DHODH: variants seen among roughly 807,000 people sequenced by gnomAD.
DHODH encodes the protein dihydroorotate dehydrogenase (quinone), mitochondrial.
DHODH carries 30 observed loss-of-function variants against 39.7 expected under a neutral mutation model. The observed-to-expected ratio is 0.76, with a 90% CI of 0.57 to 1.02. The LOEUF is 1.02. Ranked by LOEUF, DHODH falls within the 50% of genes least tolerant of loss-of-function variation. The pLI is 0.00. For missense variants in DHODH, 531 were observed against 520.8 expected (o/e 1.02, Z -0.19); for synonymous variants, 222 against 213.8 (o/e 1.04, Z -0.34).
chr16:72,017,770 C>CTTTCTTTTTTTT (rs2041158126), intron 4 of DHODH, among the ~76,000 whole-genome samples: 1 of 103,800 alleles, frequency 9.6e-6, no homozygotes, highest in African/African-American at 4.4e-5. Context: ...AAACAACATG[C>CTTTCTTTTTTTT]TTTTTTTTTT....
intron 4 of DHODH, chr16:72,020,372 T>TATGTGTATATATATATATATATATA (rs746414347): frequency 1.4e-5 from 1 of 70,890 alleles, no homozygotes; most frequent in African/African-American, 6.6e-5. Context: ...TATATATATA[T>TATGTGTATATATATATATATATATA]TTTTTTTTTT....
chr16:72,017,282 A>G (rs192686562), intron 4 of DHODH, among the ~76,000 whole-genome samples, 176 bp downstream of exon 4: 1 of 152,348 alleles, frequency 6.6e-6, no homozygotes, highest in Admixed American at 6.5e-5. Flanking sequence ...CCAAGAGTTT[A>G]ACTGGATTTT....
intron 1 of DHODH, 27 bp downstream of exon 1, chr16:72,008,812 A>C: frequency 1.4e-5 from 21 of 1,552,476 alleles, no homozygotes; most frequent in Non-Finnish European, 1.8e-5. Context: ...AGCAGTGTGG[A>C]TGGGGGACCA....
intron 2 of DHODH, among the ~76,000 whole-genome samples, chr16:72,012,716 C>T (rs1354028604): frequency 6.6e-6 from 1 of 152,240 alleles, no homozygotes; most frequent in Non-Finnish European, 1.5e-5. Context: ...CTGCCAGAGT[C>T]ATTAAGCACT....
chr16:72,024,184 A>G lies in DHODH; in HGVS notation c.1173A>G (p.Ala391=). ...GFGGVTDAIG[A]DHRR is the part of the protein sequence containing the mutation. ...GCGGAGTCACAGATGCCATTGGAGC[A>G]GATCATCGGAGGTGAGGACAGCGTC... The change falls in exon 9 of 9, where the codon GCA becomes GCG. Residue 391 remains alanine (A), a synonymous_variant. Coordinates refer to ENST00000219240, the MANE Select transcript of DHODH (RefSeq NM_001361.5). The G allele has an allele frequency of 2.5e-6, 4 of 1,614,224 alleles. No homozygotes were observed. Among genetic ancestry groups the G allele is most frequent in the Non-Finnish European group, 3.4e-6 (4 of 1,180,038 alleles).
intron 5 of DHODH, among the ~76,000 whole-genome samples, chr16:72,021,617 C>T (rs1169743537): frequency 1.3e-5 from 2 of 152,198 alleles, no homozygotes; most frequent in Non-Finnish European, 1.5e-5. Flanking sequence ...AACTGAAGGA[C>T]TTCATCACCC....
At position 72,024,182 on chromosome 16, in the gene DHODH, G is replaced by A; in HGVS notation, c.1171G>A (p.Ala391Thr). ...TGGCGGAGTCACAGATGCCATTGGA[G>A]CAGATCATCGGAGGTGAGGACAGCG... is the stretch of plus-strand genomic sequence containing the variant. ...GFGGVTDAIG[A>T]DHRR The change falls in exon 9 of 9, where the codon GCA becomes ACA. Residue 391 changes from alanine (A) to threonine (T), a missense_variant. Ala to Thr is a moderately conservative substitution (Grantham distance 58). Transcript: ENST00000219240. 6.2e-7 allele frequency: 1 copy of A among 1,614,224 alleles called. No homozygotes were observed. Among genetic ancestry groups the A allele is most frequent in the Non-Finnish European group, 8.5e-7 (1 of 1,180,042 alleles).
chr16:72,020,112 C>G (rs1567572577), intron 4 of DHODH, among the ~76,000 whole-genome samples: 1 of 151,804 alleles, frequency 6.6e-6, no homozygotes, highest in African/African-American at 2.4e-5. Flanking sequence ...CCCATCTCTA[C>G]TAAAAATACA....
intron 4 of DHODH, chr16:72,020,559 C>T (rs1473405023): frequency 1.3e-5 from 2 of 154,412 alleles, no homozygotes; most frequent in African/African-American, 4.8e-5. Flanking sequence ...ACCATGTTGC[C>T]CAGACTGGTC....
At chr16:72,011,947 A>T (rs1274501737) in intron 1 of DHODH, 103 bp from the exon 2 acceptor site, 2 of 897,228 alleles carry the variant, frequency 2.2e-6, no homozygotes, top group African/African-American at 3.3e-5. Flanking sequence ...CGTCTGTTTC[A>T]TGTGACCTGC....
chr16:72,017,721 G>A (rs2041157123), intron 4 of DHODH, among the ~76,000 whole-genome samples: 1 of 150,972 alleles, frequency 6.6e-6, no homozygotes, highest in South Asian at 2.1e-4. Context: ...AGACCAGCCT[G>A]GGCAACATGG....
intron 3 of DHODH, 64 bp downstream of exon 3, chr16:72,014,736 T>C (rs959032130): frequency 2.7e-6 from 4 of 1,491,268 alleles, no homozygotes; most frequent in Non-Finnish European, 2.8e-6. Context: ...TTCAGAGATA[T>C]AAGATCTGCC....
chr16:72,018,914 C>G (rs1322575653), intron 4 of DHODH, among the ~76,000 whole-genome samples: 1 of 152,194 alleles, frequency 6.6e-6, no homozygotes, highest in East Asian at 1.9e-4. Flanking sequence ...TTGATGGGTG[C>G]TAGACTGGGA....
rs1374374694 is a variant in DHODH, at chr16:72,014,508, A to G, written c.270A>G (p.Pro90=). The change falls in exon 3 of 9, where the codon CCA becomes CCG. Residue 90 remains proline (P), a synonymous_variant. Coordinates refer to ENST00000219240, the MANE Select transcript of DHODH (RefSeq NM_001361.5). ...TTCTGGGCCATAAATTCCGAAATCC[A>G]GTAGGAATTGCTGCAGGATTTGACA... ...VRVLGHKFRN[P]VGIAAGFDKH... is the part of the protein sequence containing the mutation. 6.2e-7 allele frequency: 1 copy of G among 1,614,158 alleles called. No homozygotes were observed. The highest frequency in any genetic ancestry group is 1.7e-5 in the Admixed American group (1 of 60,016).
intron 6 of DHODH, among the ~76,000 whole-genome samples, chr16:72,022,784 G>C (rs866158567): frequency 3.9e-5 from 6 of 152,164 alleles, no homozygotes; most frequent in South Asian, 4.1e-4. Flanking sequence ...CCTCTCTCCA[G>C]CCTGTCTGGA....
rs1400732755 is a variant in DHODH, at chr16:72,012,280, C to T, written c.234+18C>T. 1.2e-6 allele frequency: 2 copies of T among 1,610,014 alleles called. No homozygotes were observed. Among genetic ancestry groups the T allele is most frequent in the Non-Finnish European group, 1.7e-6 (2 of 1,176,450 alleles). On this transcript the variant is annotated intron_variant, in intron 2 of 8. Coordinates refer to ENST00000219240, the MANE Select transcript of DHODH (RefSeq NM_001361.5). ...ACATGCTGGTAGTGCTCCCAGACAC[C>T]CTATACATTAAATACAAAGGCGAAG...
intron 4 of DHODH, among the ~76,000 whole-genome samples, chr16:72,018,867 G>T (rs1597396024): frequency 6.6e-6 from 1 of 152,250 alleles, no homozygotes; most frequent in Non-Finnish European, 1.5e-5. Flanking sequence ...CAGTTTACTT[G>T]TGAGGAAAAG....
At chr16:72,018,020 T>A (rs990529709) in intron 4 of DHODH, among the ~76,000 whole-genome samples, 1 of 152,174 alleles carries the variant, frequency 6.6e-6, no homozygotes, top group Non-Finnish European at 1.5e-5. Flanking sequence ...GTGATCCGCC[T>A]GCCTCGGCCT....
At position 72,014,619 on chromosome 16, in the gene DHODH, A is replaced by C. The variant is rs753983639; in HGVS notation, c.381A>C (p.Gly127=). 2 of 1,614,204 alleles carry C rather than the reference A, an allele frequency of 1.2e-6. No homozygotes were observed. The highest frequency in any genetic ancestry group is 1.7e-6 in the Non-Finnish European group (2 of 1,180,040). ...GTGTGACTCCAAAACCTCAGGAAGG[A>C]AACCCTAGACCCAGAGTCTTCCGCC... ...IGSVTPKPQE[G]NPRPRVFRLP... is the part of the protein sequence containing the mutation. Residue 127 remains glycine (G), a synonymous_variant, in exon 3 of 9, where the codon GGA becomes GGC. Transcript: ENST00000219240.
Sources: gnomAD v4.1 joint callset for allele counts (sites outside exome capture counted in the v4.1 genomes callset) on GRCh38, gnomAD v4.1.1 for gene constraint, MANE v1.5 for transcripts, NCBI Gene and HGNC (gene_info 2026-07-23, HGNC 2026-07-21) for gene names.